Variants in MCM10 observed in about 807,000 individuals in gnomAD.
MCM10 encodes the protein minichromosome maintenance 10 replication initiation factor.
Under a neutral mutation model 109.9 loss-of-function variants are expected in MCM10, and 91 were observed. The ratio of observed to expected loss-of-function variants is 0.83; its 90% CI spans 0.70 to 0.99. MCM10 has a LOEUF of 0.99. MCM10 is among the 50% of genes least tolerant of loss of function. MCM10 has a pLI of 0.00. For synonymous variants in MCM10, 380 were observed against 387.2 expected, an observed-to-expected ratio of 0.98 and a Z score of 0.22; for missense variants, 1,077 against 1,061.2, an observed-to-expected ratio of 1.01 and a Z score of -0.21.
intron 18 of MCM10, among the ~76,000 whole-genome samples, chr10:13,208,409 A>C (rs11597541): frequency 0.12 from 18,801 of 151,000 alleles, 1,466 homozygotes; most frequent in Middle Eastern, 0.22. Context: ...AAAACAAAAC[A>C]AGAGTCCCTG....
chr10:13,192,432 G>A lies in MCM10; in HGVS notation c.1628-19G>A, dbSNP rs763843557. On this transcript the variant is annotated intron_variant, in intron 12 of 19. Transcript: ENST00000378714. ...CTCAGCCTCCCAGGGCACCCCCTCA[G>A]TCTGGGCTTCTGTTTCAGGGATTAT... 7 of 1,613,888 alleles carry A rather than the reference G, an allele frequency of 4.3e-6. No homozygotes were observed. The East Asian group carries it at 1.1e-4, about 26-fold the overall frequency.
rs771654696 is a variant in MCM10 at position 13,195,144 on chromosome 10, G to C, written c.1849G>C (p.Glu617Gln). Residue 617 changes from glutamate to glutamine, a missense_variant, in exon 14 of 20, where the codon GAG becomes CAG. Coordinates refer to ENST00000378714, the MANE Select transcript of MCM10 (RefSeq NM_018518.5). Reference sequence around the variant, plus strand: ...GACAGGATCCGAGTTCCCCAGGCTGGAGGGAGCCCCGGCCACAATGACGCC... The same window carrying C: ...GACAGGATCCGAGTTCCCCAGGCTGCAGGGAGCCCCGGCCACAATGACGCC... ...PRTGSEFPRL[E>Q]GAPATMTPKL... 3 of 1,614,034 alleles carry C rather than the reference G, an allele frequency of 1.9e-6. No individual in the cohort carries two copies. The highest frequency in any genetic ancestry group is 2.5e-6 in the Non-Finnish European group (3 of 1,180,032).
At position 13,191,308 on chromosome 10, in the gene MCM10, T is replaced by A. The variant is rs1834343529; in HGVS notation, c.1425T>A (p.Ala475=). The change falls in exon 11 of 20, where the codon GCT becomes GCA. Residue 475 remains alanine, a synonymous_variant. Coordinates refer to ENST00000378714, the MANE Select transcript of MCM10 (RefSeq NM_018518.5). ...TGACTTGTCATTTCAGTGCAGCAGCTGTGGCTCCTAAGAAGAAGATTCAAA... is the reference window on the plus strand; with the variant it reads ...TGACTTGTCATTTCAGTGCAGCAGCAGTGGCTCCTAAGAAGAAGATTCAAA... ...SASYAASIAA[A]VAPKKKIQTT... 1 of 1,612,756 alleles carries A rather than the reference T, an allele frequency of 6.2e-7. No individual in the cohort carries two copies. Among genetic ancestry groups the A allele is most frequent in the African/African-American group, 1.3e-5 (1 of 75,022 alleles).
At position 13,182,705 on chromosome 10, in the gene MCM10, G is replaced by A. The variant is rs938529457; in HGVS notation, c.931-228G>A. Among the ~76,000 whole-genome samples, 3 of 152,006 alleles carry A rather than the reference G, an allele frequency of 2.0e-5. No individual in the cohort carries two copies. The highest frequency in any genetic ancestry group is 6.6e-5 in the Admixed American group (1 of 15,254). Reference sequence around the variant, plus strand: ...CTGCTAACAAGTTTGCCACTGGCTTGCTTTATTTCACTTTCATCTCTAAAA... The same window carrying A: ...CTGCTAACAAGTTTGCCACTGGCTTACTTTATTTCACTTTCATCTCTAAAA... On this transcript the variant is annotated intron_variant, in intron 7 of 19. Coordinates refer to ENST00000378714, the MANE Select transcript of MCM10 (RefSeq NM_018518.5). This position sits in a 1 kb window ranked among gnomAD's most constrained non-coding sequence, Gnocchi z 4.2.
At chr10:13,197,917 ATTTT>A (rs34102127) in intron 15 of MCM10, 150 bp downstream of exon 15, 3,083 of 514,216 alleles carry the variant, frequency 6.0e-3, no homozygotes, top group East Asian at 0.018. Context: ...GGTGGAACTG[ATTTT>A]TTTTTTTTTT....
At position 13,180,622 on chromosome 10, in the gene MCM10, T is replaced by G; in HGVS notation, c.930+15T>G. The stretch of plus-strand genomic sequence containing the variant: ...GTGTGAATAGTGTAAGCCATTGTAT[T>G]GGTTTCTTAGCTGTTTTACTACAAA... On this transcript the variant is annotated intron_variant, in intron 7 of 19. Transcript: ENST00000378714. The G allele has an allele frequency of 2.5e-6, 4 of 1,612,982 alleles. No homozygotes were observed. The highest frequency in any genetic ancestry group is 3.4e-6 in the Non-Finnish European group (4 of 1,179,718).
intron 17 of MCM10, 101 bp from the exon 18 acceptor site, chr10:13,204,118 A>G: frequency 7.0e-7 from 1 of 1,420,406 alleles, no homozygotes; most frequent in Non-Finnish European, 9.6e-7. Flanking sequence ...GGTAGTGATG[A>G]GAGACCAGGT....
Position 13,188,987 on chromosome 10 carries a change from A to G in MCM10, c.1322A>G (p.Lys441Arg). 3 of 1,614,238 alleles carry G rather than the reference A, an allele frequency of 1.9e-6. No individual in the cohort carries two copies. Among genetic ancestry groups the G allele is most frequent in the Non-Finnish European group, 2.5e-6 (3 of 1,180,036 alleles). ...STFSGGRIPK[K>R]FARRGTSLKE... ...TTCTCTGGAGGACGAATTCCAAAGA[A>G]GTTTGCCCGCAGAGGCACCAGCCTC... The change falls in exon 10 of 20, where the codon AAG (lysine) becomes AGG (arginine). Residue 441 changes from lysine to arginine, a missense_variant. By Grantham distance (26) the Lys-to-Arg change is conservative. Coordinates refer to ENST00000378714, the MANE Select transcript of MCM10 (RefSeq NM_018518.5).
rs149088764 is a variant in MCM10, at chr10:13,197,662, C to T, written c.2014C>T (p.Leu672Phe). Residue 672 changes from leucine (L) to phenylalanine (F), a missense_variant, in exon 15 of 20, where the codon CTT (leucine) becomes TTT (phenylalanine). By Grantham distance (22) the Leu-to-Phe change is conservative. Coordinates refer to ENST00000378714, the MANE Select transcript of MCM10 (RefSeq NM_018518.5). The stretch of plus-strand genomic sequence containing the variant: ...CAAATTAAGGGCAAAAGGCCAGGTT[C>T]TTACAAAAACAAACCCAAACAGCAT... ...ITKLRAKGQVLTKTNPNSIKK... is the reference protein window; with the variant it reads ...ITKLRAKGQVFTKTNPNSIKK... The T allele has an allele frequency of 1.9e-6, 3 of 1,613,926 alleles. No homozygotes were observed. The highest frequency in any genetic ancestry group is 1.3e-5 in the African/African-American group (1 of 75,004).
chr10:13,195,712 G>A (rs1834411336), intron 14 of MCM10: 1 of 152,286 alleles, frequency 6.6e-6, no homozygotes, highest in Non-Finnish European at 1.5e-5. Flanking sequence ...CCAGATTCAA[G>A]CGATTGTCCT....
At chr10:13,194,583 C>T (rs752446637) in intron 13 of MCM10, among the ~76,000 whole-genome samples, 7 of 152,084 alleles carry the variant, frequency 4.6e-5, no homozygotes, top group South Asian at 2.1e-4. Flanking sequence ...GTAAAATAAT[C>T]GCTGCAAGTT....
chr10:13,164,066 A>C lies in MCM10; in HGVS notation c.-75-62A>C, dbSNP rs1235833467. 2.8e-5 allele frequency: 18 copies of C among 644,072 alleles called. No individual in the cohort carries two copies. The East Asian group carries it at 3.7e-4, about 13-fold the overall frequency. 39.9% of individuals were successfully genotyped at this position (644,072 alleles called of 1,614,324 possible). ...AGTGGTAGGATTCTGGGTTTGTTGGATGTGTGTTGTGAGAGAAAGAGAAGA... is the reference window on the plus strand; with the variant it reads ...AGTGGTAGGATTCTGGGTTTGTTGGCTGTGTGTTGTGAGAGAAAGAGAAGA... On this transcript the variant is annotated intron_variant, in intron 1 of 19. Transcript: ENST00000378714.
At chr10:13,197,789 C>T in intron 15 of MCM10, 22 bp downstream of exon 15, 3 of 1,596,732 alleles carry the variant, frequency 1.9e-6, no homozygotes, top group Non-Finnish European at 2.6e-6. Flanking sequence ...TCACAGTTAA[C>T]AGTGGGAAAG....
rs770035386 is a variant in MCM10 at position 13,191,359 on chromosome 10, G to C, written c.1476G>C (p.Lys492Asn). The change falls in exon 11 of 20, where the codon AAG (lysine) becomes AAC (asparagine). Residue 492 changes from lysine (K) to asparagine (N), a missense_variant. By Grantham distance (94) the Lys-to-Asn change is moderately conservative. Coordinates refer to ENST00000378714, the MANE Select transcript of MCM10 (RefSeq NM_018518.5). ...CCACTCTGAGTAATCTGGTTGTTAAGGGCACAAACTTGATCATCCAGGAAA... is the reference window on the plus strand; with the variant it reads ...CCACTCTGAGTAATCTGGTTGTTAACGGCACAAACTTGATCATCCAGGAAA... ...IQTTLSNLVV[K>N]GTNLIIQETR... 4 of 1,614,044 alleles carry C rather than the reference G, an allele frequency of 2.5e-6. No homozygotes were observed. Among genetic ancestry groups the C allele is most frequent in the Non-Finnish European group, 2.5e-6 (3 of 1,180,004 alleles).
chr10:13,192,427 C>T (rs1421955029), intron 12 of MCM10, 24 bp from the exon 13 acceptor site: 2 of 1,613,592 alleles, frequency 1.2e-6, no homozygotes, highest in African/African-American at 1.3e-5. Flanking sequence ...CAGGGCACCC[C>T]CTCAGTCTGG....
rs1834468417 is a variant in MCM10, at chr10:13,199,584, AG to A, written c.2238+778del. Among the ~76,000 whole-genome samples, 3 of 152,238 alleles carry A rather than the reference AG, an allele frequency of 2.0e-5. No homozygotes were observed. The South Asian group carries it at 6.2e-4, about 31-fold the overall frequency. On this transcript the variant is annotated intron_variant, in intron 16 of 19. Coordinates refer to ENST00000378714, the MANE Select transcript of MCM10 (RefSeq NM_018518.5). ...TTCCTTATCTTGAAATAAAATTCATAGATAATATGAATTACCTATACTAGTC... is the reference window on the plus strand; with the variant it reads ...TTCCTTATCTTGAAATAAAATTCATAATAATATGAATTACCTATACTAGTC...
At position 13,200,983 on chromosome 10, in the gene MCM10, GA is replaced by G. The variant is rs561526676; in HGVS notation, c.2239-434del. Reference sequence around the variant, plus strand: ...AACAGGGTGAAACCCCATCTCTACTGAAAATCCAAAAATTTAGCTGGGCATG... The same window carrying G: ...AACAGGGTGAAACCCCATCTCTACTGAAATCCAAAAATTTAGCTGGGCATG... On this transcript the variant is annotated intron_variant, in intron 16 of 19. Transcript: ENST00000378714. Among the ~76,000 whole-genome samples the G allele has an allele frequency of 4.0e-4, 61 of 152,148 alleles. No individual in the cohort carries two copies. In the South Asian group the frequency reaches 0.012, roughly 31 times the overall value.
At chr10:13,201,143 C>G (rs960899271) in intron 16 of MCM10, among the ~76,000 whole-genome samples, 15 of 152,076 alleles carry the variant, frequency 9.9e-5, no homozygotes, top group Admixed American at 9.8e-4. Context: ...GACTCCATCT[C>G]AAAAATAAAA....
chr10:13,175,574 G>T lies in MCM10; in HGVS notation c.657G>T (p.Arg219=). The T allele has an allele frequency of 6.2e-7, 1 of 1,613,790 alleles. No individual in the cohort carries two copies. Among genetic ancestry groups the T allele is most frequent in the Non-Finnish European group, 8.5e-7 (1 of 1,179,840 alleles). Residue 219 remains arginine, a synonymous_variant, in exon 6 of 20, where the codon CGG becomes CGT. Coordinates refer to ENST00000378714, the MANE Select transcript of MCM10 (RefSeq NM_018518.5). ...APSQPLQTIS[R]NKPSGITRGQ... ...CCCAACCCCTACAGACGATTTCTCG[G>T]AACAAACCTAGTGGGATAACTAGAG...
Sources: allele counts gnomAD v4.1 joint callset (sites outside exome capture counted in the v4.1 genomes callset), GRCh38; gene constraint gnomAD v4.1.1; non-coding constraint Gnocchi (gnomAD v3.1); transcripts MANE v1.5; gene names NCBI Gene and HGNC (gene_info 2026-07-23, HGNC 2026-07-21).